The following BLTP3A variants were observed in gnomAD, a reference collection of about 807,000 sequenced individuals.
The protein encoded by BLTP3A is ICBP90 binding protein 1.
the BLTP3A span, among the ~76,000 whole-genome samples, chr6:34,812,106 A>T: frequency 1.6e-4 from 25 of 151,996 alleles, no homozygotes; most frequent in Non-Finnish European, 3.2e-4. Context: ...AGGTGGGAGG[A>T]TCACCTGAGG....
chr6:34,825,939 T>C, the BLTP3A span, among the ~76,000 whole-genome samples: 5 of 152,144 alleles, frequency 3.3e-5, no homozygotes, highest in Admixed American at 1.3e-4. Flanking sequence ...TACCTAGTTA[T>C]GGTATTTAGG....
chr6:34,813,007 G>A, the BLTP3A span, among the ~76,000 whole-genome samples: 6 of 152,192 alleles, frequency 3.9e-5, no homozygotes, highest in Non-Finnish European at 8.8e-5. Flanking sequence ...AAGCTTAGAA[G>A]CCAAGGCTCT....
the BLTP3A span, among the ~76,000 whole-genome samples, chr6:34,866,661 A>G: frequency 2.6e-5 from 4 of 152,214 alleles, no homozygotes; most frequent in African/African-American, 7.2e-5. Context: ...TTGTTGTACA[A>G]TCATTACTAC....
chr6:34,812,579 C>G, the BLTP3A span, among the ~76,000 whole-genome samples: 1 of 152,036 alleles, frequency 6.6e-6, no homozygotes, highest in Non-Finnish European at 1.5e-5. Flanking sequence ...ATCCTCCCAC[C>G]CCAGCTCTTG....
At chr6:34,874,141 A>G in the BLTP3A span, 3 of 152,240 alleles carry the variant, frequency 2.0e-5, no homozygotes, top group Admixed American at 1.3e-4. Flanking sequence ...AACCTTATTT[A>G]AAATTTTTAT....
At chr6:34,834,414 C>T in the BLTP3A span, 5 of 1,612,304 alleles carry the variant, frequency 3.1e-6, no homozygotes, top group Non-Finnish European at 4.2e-6. Context: ...GAGGTGACAG[C>T]CCCATCATTG....
the BLTP3A span, among the ~76,000 whole-genome samples, chr6:34,852,364 C>T: frequency 6.6e-6 from 1 of 152,140 alleles, no homozygotes; most frequent in African/African-American, 2.4e-5. Flanking sequence ...AGGACTGGGT[C>T]CTTCCCTTCA....
chr6:34,816,996 A>G, the BLTP3A span, among the ~76,000 whole-genome samples: 1 of 152,242 alleles, frequency 6.6e-6, no homozygotes, highest in Non-Finnish European at 1.5e-5. Context: ...TATTTTATTT[A>G]AATACATAAG....
chr6:34,847,921 C>CTTTCTTTTTTTTTTTTTTTTTTTTTT, the BLTP3A span, among the ~76,000 whole-genome samples: 7 of 91,172 alleles, frequency 7.7e-5, no homozygotes, highest in Non-Finnish European at 1.2e-4. Flanking sequence ...TCTTTTTTTC[C>CTTTCTTTTTTTTTTTTTTTTTTTTTT]TTTTTTTTTT....
At chr6:34,826,026 A>ATTCTTTTTTTTTTTTTTTTT in the BLTP3A span, among the ~76,000 whole-genome samples, 2 of 76,648 alleles carry the variant, frequency 2.6e-5, 1 homozygote, top group Non-Finnish European at 4.9e-5. Flanking sequence ...TACATTTTGC[A>ATTCTTTTTTTTTTTTTTTTT]TTTTTTTTTT....
chr6:34,796,464 A>G, the BLTP3A span, among the ~76,000 whole-genome samples: 9 of 152,230 alleles, frequency 5.9e-5, no homozygotes, highest in African/African-American at 2.2e-4. Context: ...CTGCTGCTCA[A>G]TGCAAATAGC....
At chr6:34,814,616 G>A in the BLTP3A span, among the ~76,000 whole-genome samples, 1 of 152,158 alleles carries the variant, frequency 6.6e-6, no homozygotes, top group Non-Finnish European at 1.5e-5. Flanking sequence ...TGCTTGTATT[G>A]TTAATCTTAG....
At chr6:34,869,655 T>C in the BLTP3A span, among the ~76,000 whole-genome samples, 3 of 135,536 alleles carry the variant, frequency 2.2e-5, no homozygotes, top group Non-Finnish European at 1.6e-5. Context: ...TTTTTTTTTT[T>C]TTTTTTTTTT....
At chr6:34,835,949 G>A in the BLTP3A span, among the ~76,000 whole-genome samples, 91 of 152,190 alleles carry the variant, frequency 6.0e-4, no homozygotes, top group Non-Finnish European at 7.3e-5. Context: ...TATTCCAGCA[G>A]TTATTAGACT....
chr6:34,839,282 CA>C, the BLTP3A span, among the ~76,000 whole-genome samples: 2 of 152,296 alleles, frequency 1.3e-5, no homozygotes, highest in South Asian at 2.1e-4. Context: ...GAATAATTCT[CA>C]GCCTACCATA....
chr6:34,836,274 A>C, the BLTP3A span: 2 of 1,614,168 alleles, frequency 1.2e-6, no homozygotes, highest in Non-Finnish European at 1.7e-6. Flanking sequence ...TTTGATGTGA[A>C]AGAGTCCTCC....
chr6:34,836,339 C>G, the BLTP3A span: 33 of 1,613,818 alleles, frequency 2.0e-5, no homozygotes, highest in Non-Finnish European at 2.6e-5. Context: ...TAGCCAGTCC[C>G]GAGAGCCAGG....
At chr6:34,826,760 G>C in the BLTP3A span, among the ~76,000 whole-genome samples, 1 of 152,040 alleles carries the variant, frequency 6.6e-6, no homozygotes, top group Non-Finnish European at 1.5e-5. Context: ...TGGCCAGTTA[G>C]AGCATTTCCA....
the BLTP3A span, among the ~76,000 whole-genome samples, chr6:34,866,162 C>G: frequency 2.0e-5 from 3 of 152,116 alleles, no homozygotes; most frequent in Non-Finnish European, 4.4e-5. Flanking sequence ...GCGTGTAATC[C>G]CAGCACTTTG....
Sources: allele counts gnomAD v4.1 joint callset (sites outside exome capture counted in the v4.1 genomes callset), GRCh38; gene constraint gnomAD v4.1.1; transcripts MANE v1.5; gene names NCBI Gene and HGNC (gene_info 2026-07-23, HGNC 2026-07-21).